ULK4: variants seen among roughly 807,000 people sequenced by gnomAD.
ULK4 encodes inactive serine/threonine-protein kinase ULK4.
ULK4 carries 133 observed loss-of-function variants against 160.6 expected under a neutral mutation model. The ratio of observed to expected loss-of-function variants is 0.83; its 90% CI spans 0.72 to 0.96. The LOEUF (loss-of-function observed/expected upper bound fraction) is 0.96. Among genes scored for constraint, ULK4 ranks in the 40% least tolerant of loss-of-function variants. ULK4 has a pLI of 0.00. For missense variants in ULK4, 1,580 were observed against 1,499.5 expected (o/e 1.05, Z -0.89); for synonymous variants, 534 against 539.8 (o/e 0.99, Z 0.15).
intron 21 of ULK4, among the ~76,000 whole-genome samples, chr3:41,784,450 TTAAG>T (rs1356894106): frequency 6.6e-6 from 1 of 152,134 alleles, no homozygotes; most frequent in African/African-American, 2.4e-5. Flanking sequence ...AAGTTTCCTA[TTAAG>T]TGTTTAGGGG....
chr3:41,329,260 T>C (rs1055744158), intron 35 of ULK4, among the ~76,000 whole-genome samples: 1 of 152,206 alleles, frequency 6.6e-6, no homozygotes, highest in Non-Finnish European at 1.5e-5. Context: ...GAACATCAAC[T>C]GGCTACTCTG....
intron 34 of ULK4, among the ~76,000 whole-genome samples, chr3:41,398,936 G>A (rs2082123111): frequency 1.3e-5 from 2 of 151,954 alleles, no homozygotes; most frequent in South Asian, 4.2e-4. Flanking sequence ...TATCCTTTGT[G>A]GTGAGAACAT....
chr3:41,446,091 A>G (rs1262060194), intron 34 of ULK4, among the ~76,000 whole-genome samples: 1 of 152,232 alleles, frequency 6.6e-6, no homozygotes, highest in Non-Finnish European at 1.5e-5. Flanking sequence ...TCTCAAAAGA[A>G]GACATTTATG....
At chr3:41,345,662 T>C (rs2080783279) in intron 35 of ULK4, among the ~76,000 whole-genome samples, 1 of 152,128 alleles carries the variant, frequency 6.6e-6, no homozygotes, top group African/African-American at 2.4e-5. Flanking sequence ...TCAGGAAGAA[T>C]AGCTAATAGA....
At chr3:41,931,720 G>T in intron 5 of ULK4, 124 bp downstream of exon 5, 1 of 1,190,202 alleles carries the variant, frequency 8.4e-7, no homozygotes, top group Non-Finnish European at 1.2e-6. Flanking sequence ...ATGTCTGCTG[G>T]TCATTACCAT....
intron 17 of ULK4, among the ~76,000 whole-genome samples, chr3:41,880,923 A>C (rs1286530893): frequency 6.6e-6 from 1 of 150,740 alleles, no homozygotes; most frequent in Non-Finnish European, 1.5e-5. Context: ...ACTCTATCGC[A>C]AAAAAATAAA....
chr3:41,717,777 G>A lies in ULK4; in HGVS notation c.2406C>T (p.Cys802=), dbSNP rs2037322348. ...CAATGTGACAGATGAGAAGATCCAG[G>A]CATTTGGACAGGTATTCATTGCCAC... ...QQSGNEYLSK[C]LDLLICHIVQ... is the part of the protein sequence containing the mutation. Residue 802 remains cysteine, a synonymous_variant, in exon 23 of 37, where the codon TGC becomes TGT. Transcript: ENST00000301831. 6.2e-7 allele frequency: 1 copy of A among 1,614,068 alleles called. No homozygotes were observed. Among genetic ancestry groups the A allele is most frequent in the Non-Finnish European group, 8.5e-7 (1 of 1,179,994 alleles).
chr3:41,398,340 T>G, intron 34 of ULK4, 76 bp from the exon 35 acceptor site: 1 of 1,500,678 alleles, frequency 6.7e-7, no homozygotes, highest in Non-Finnish European at 9.1e-7. Flanking sequence ...CAGTAAAATT[T>G]GGCTTGATGG....
At chr3:41,717,092 T>C (rs994971710) in intron 23 of ULK4, among the ~76,000 whole-genome samples, 6 of 152,078 alleles carry the variant, frequency 3.9e-5, no homozygotes, top group Non-Finnish European at 7.4e-5. Context: ...TCAAAGGGTA[T>C]GAACATACAG....
At chr3:41,904,863 A>G (rs1274080423) in intron 12 of ULK4, among the ~76,000 whole-genome samples, 2 of 152,254 alleles carry the variant, frequency 1.3e-5, no homozygotes, top group Admixed American at 6.5e-5. Flanking sequence ...CTAAGTAAGT[A>G]TAAATACATC....
chr3:41,946,486 T>C (rs1159212774), intron 2 of ULK4, among the ~76,000 whole-genome samples: 1 of 152,196 alleles, frequency 6.6e-6, no homozygotes, highest in Non-Finnish European at 1.5e-5. Context: ...TTAAAAGTCA[T>C]TGAACTACAC....
intron 30 of ULK4, among the ~76,000 whole-genome samples, chr3:41,616,469 G>T (rs536716596): frequency 2.4e-4 from 37 of 152,240 alleles, no homozygotes; most frequent in Middle Eastern, 6.8e-3. Context: ...GACTGATTAG[G>T]CATTGGGTCC....
intron 18 of ULK4, among the ~76,000 whole-genome samples, chr3:41,829,989 C>T (rs1440936413): frequency 1.3e-5 from 2 of 151,758 alleles, no homozygotes; most frequent in African/African-American, 4.9e-5. Context: ...AGTTCATGTC[C>T]TTTGTAGGGA....
intron 35 of ULK4, among the ~76,000 whole-genome samples, chr3:41,311,320 C>G (rs2080043815): frequency 6.6e-6 from 1 of 152,164 alleles, no homozygotes. Context: ...CACCCTTAAT[C>G]TGAGTGGACA....
At position 41,718,179 on chromosome 3, in the gene ULK4, CA is replaced by C. The variant is rs557976662; in HGVS notation, c.2322-319del. On this transcript the variant is annotated intron_variant, in intron 22 of 36. Transcript: ENST00000301831. ...GGACAGAAGAGGGCTCTTTATGTTT[CA>C]AAGGTTCAAAGTAAAGCCACAAGTT... Among the ~76,000 whole-genome samples, 3 of 152,242 alleles carry C rather than the reference CA, an allele frequency of 2.0e-5. No homozygotes were observed. In the South Asian group the frequency reaches 6.2e-4, roughly 32 times the overall value.
chr3:41,894,272 G>C (rs947561293), intron 16 of ULK4, among the ~76,000 whole-genome samples: 4 of 152,276 alleles, frequency 2.6e-5, no homozygotes, highest in African/African-American at 9.6e-5. Context: ...AGCATACCAT[G>C]AGCCTTCTCA....
chr3:41,793,990 G>A (rs1466847622), intron 20 of ULK4, among the ~76,000 whole-genome samples: 1 of 152,210 alleles, frequency 6.6e-6, no homozygotes, highest in African/African-American at 2.4e-5. Flanking sequence ...TCACCTGGAA[G>A]CATGTTAAAA....
At chr3:41,584,989 C>T (rs923081881) in intron 31 of ULK4, among the ~76,000 whole-genome samples, 5 of 151,924 alleles carry the variant, frequency 3.3e-5, no homozygotes, top group Non-Finnish European at 2.9e-5. Flanking sequence ...TAAAACACTG[C>T]CAAAATCAAA....
At chr3:41,422,940 G>A (rs1452220373) in intron 34 of ULK4, among the ~76,000 whole-genome samples, 1 of 152,146 alleles carries the variant, frequency 6.6e-6, no homozygotes, top group African/African-American at 2.4e-5. Context: ...TCCATCAGAA[G>A]ATGTTTGAAT....
Sources: gnomAD v4.1 joint callset for allele counts (sites outside exome capture counted in the v4.1 genomes callset) on GRCh38, gnomAD v4.1.1 for gene constraint, MANE v1.5 for transcripts, NCBI Gene and HGNC (gene_info 2026-07-23, HGNC 2026-07-21) for gene names.